Variants in AGPAT3 observed in about 807,000 individuals in gnomAD.
AGPAT3 encodes the protein 1-acyl-sn-glycerol-3-phosphate acyltransferase gamma.
In AGPAT3, 5 loss-of-function variants were observed where a neutral mutation model predicts 47.3. That is an observed-to-expected ratio of 0.11 (90% confidence interval 0.06 to 0.22). The LOEUF (loss-of-function observed/expected upper bound fraction) is 0.22. AGPAT3 is among the 10% of genes least tolerant of loss of function. The pLI, the probability that AGPAT3 is intolerant of heterozygous loss-of-function variation, is 1.00. For missense variants in AGPAT3, 315 were observed against 493.0 expected (o/e 0.64, Z 3.42); for synonymous variants, 212 against 208.3 (o/e 1.02, Z -0.15).
At chr21:43,938,285 A>C (rs1487987301) in intron 2 of AGPAT3, among the ~76,000 whole-genome samples, 2 of 144,892 alleles carry the variant, frequency 1.4e-5, no homozygotes, top group African/African-American at 5.0e-5. Context: ...CGTACTGAGG[A>C]TTAGAAGTCA....
At position 43,981,448 on chromosome 21, in the gene AGPAT3, A is replaced by C. The variant is rs2089848165; in HGVS notation, c.1042+261A>C. ...GCAGCCCCACTGGCTGGCGCCCTTG[A>C]GGATGCCGACGAGAGGGTCCCCGAG... is the stretch of plus-strand genomic sequence containing the variant. On this transcript the variant is annotated intron_variant, in intron 9 of 9. Transcript: ENST00000291572. The surrounding 1 kb of genome is among the most constrained non-coding windows in gnomAD (Gnocchi z 5.3). 3 of 549,814 alleles carry C rather than the reference A, an allele frequency of 5.5e-6. 1 individual carries two copies. Among genetic ancestry groups the C allele is most frequent in the Non-Finnish European group, 9.8e-6 (3 of 306,284 alleles). The allele number at this position is 549,814 out of a possible 1,614,324, so 34.1% of individuals were successfully genotyped here.
intron 7 of AGPAT3, among the ~76,000 whole-genome samples, chr21:43,972,764 A>G (rs1243684575): frequency 6.6e-6 from 1 of 152,198 alleles, no homozygotes; most frequent in Non-Finnish European, 1.5e-5. Flanking sequence ...TTCCAGCACA[A>G]ATCATCATTT....
chr21:43,959,902 T>A, intron 3 of AGPAT3, 43 bp downstream of exon 3: 1 of 1,557,310 alleles, frequency 6.4e-7, no homozygotes, highest in Non-Finnish European at 8.7e-7. Flanking sequence ...GGGGCTCCCG[T>A]GGGGGTGGCG....
Position 43,971,431 on chromosome 21 carries a change from G to A in AGPAT3, c.708G>A (p.Lys236=). 1 of 1,614,244 alleles carries A rather than the reference G, an allele frequency of 6.2e-7. No individual in the cohort carries two copies. The highest frequency in any genetic ancestry group is 2.2e-5 in the East Asian group (1 of 44,886). ...YDVTLNFRGN[K]NPSLLGILYG... Reference sequence around the variant, plus strand: ...TAACCCTGAACTTCAGAGGAAACAAGAACCCGTCCCTGCTGGGGATCCTCT... The same window carrying A: ...TAACCCTGAACTTCAGAGGAAACAAAAACCCGTCCCTGCTGGGGATCCTCT... Residue 236 remains lysine, a synonymous_variant, in exon 7 of 10, where the codon AAG becomes AAA. Coordinates refer to ENST00000291572, the MANE Select transcript of AGPAT3 (RefSeq NM_020132.5).
In AGPAT3 at chr21:43,959,636, C is replaced by T. The variant is rs764953538; in HGVS notation, c.-46C>T. The T allele has an allele frequency of 3.1e-6, 5 of 1,605,462 alleles. No individual in the cohort carries two copies. The highest frequency in any genetic ancestry group is 4.2e-6 in the Non-Finnish European group (5 of 1,179,726). Reference sequence around the variant, plus strand: ...TGTCCCTGTCCCTGTCTTTGCAGGACGGCTGTCCTCAGCGAGGGGCCGTGC... The same window carrying T: ...TGTCCCTGTCCCTGTCTTTGCAGGATGGCTGTCCTCAGCGAGGGGCCGTGC... On this transcript the variant is annotated splice_region_variant and 5_prime_UTR_variant, in exon 3 of 10. The change creates a new upstream start codon in the 5' untranslated region. Transcript: ENST00000291572.
chr21:43,979,683 A>G (rs2089770274), intron 8 of AGPAT3, among the ~76,000 whole-genome samples: 1 of 152,206 alleles, frequency 6.6e-6, no homozygotes, highest in African/African-American at 2.4e-5. Context: ...TCATAATTAC[A>G]GGCCTGTCCT....
rs1007098095 is a variant in AGPAT3 at position 43,955,469 on chromosome 21, C to A, written c.-48-4165C>A. 2.0e-5 allele frequency among the ~76,000 whole-genome samples: 3 copies of A among 152,034 alleles called. No homozygotes were observed. Among genetic ancestry groups the A allele is most frequent in the Non-Finnish European group, 4.4e-5 (3 of 67,988 alleles). ...TTGAGATGGAGTTTCACTCTTGTCACCCAGGCTGGAGTGCAGTGGTGCGAT... is the reference window on the plus strand; with the variant it reads ...TTGAGATGGAGTTTCACTCTTGTCAACCAGGCTGGAGTGCAGTGGTGCGAT... On this transcript the variant is annotated intron_variant, in intron 2 of 9. Transcript: ENST00000291572. The surrounding 1 kb of genome is among the most constrained non-coding windows in gnomAD (Gnocchi z 4.1).
At chr21:43,865,856 C>T (rs1458602735) in intron 1 of AGPAT3, among the ~76,000 whole-genome samples, 2 of 152,046 alleles carry the variant, frequency 1.3e-5, no homozygotes, top group African/African-American at 4.8e-5. Context: ...GGGCCTCCTC[C>T]TCGCGCGCCC....
chr21:43,902,577 T>C (rs1049010005), intron 1 of AGPAT3, among the ~76,000 whole-genome samples: 5 of 152,150 alleles, frequency 3.3e-5, no homozygotes. Flanking sequence ...GGCAGAGAGA[T>C]AGGAAGCAGC....
intron 2 of AGPAT3, among the ~76,000 whole-genome samples, chr21:43,935,051 A>C (rs916087640): frequency 6.6e-6 from 1 of 152,024 alleles, no homozygotes; most frequent in Admixed American, 6.6e-5. Flanking sequence ...CACCCACACC[A>C]CTCACATGCC....
chr21:43,877,785 C>A (rs939371686), intron 1 of AGPAT3, among the ~76,000 whole-genome samples: 11 of 152,272 alleles, frequency 7.2e-5, no homozygotes, highest in Admixed American at 5.9e-4. Flanking sequence ...GATATCTTCC[C>A]AGCAGGCCCA....
In AGPAT3 at chr21:43,985,581, C is replaced by T. The variant is rs1470157104; in HGVS notation, c.*3189C>T. On this transcript the variant is annotated 3_prime_UTR_variant, in exon 10 of 10. Coordinates refer to ENST00000291572, the MANE Select transcript of AGPAT3 (RefSeq NM_020132.5). ...TGGACCCAGCTGTGTGTTTCACTCA[C>T]GTGCAATTGAGTAGCTGTTGCCAGG... 2.3e-5 allele frequency: 6 copies of T among 256,194 alleles called. No individual in the cohort carries two copies. Among genetic ancestry groups the T allele is most frequent in the East Asian group, 2.2e-4 (2 of 8,944 alleles). 15.9% of individuals were successfully genotyped at this position (256,194 alleles called of 1,614,324 possible). A position where few individuals can be genotyped will look rare whatever the true frequency, so the allele number is the denominator to read the frequency against.
At chr21:43,946,444 A>G (rs1415326597) in intron 2 of AGPAT3, among the ~76,000 whole-genome samples, 1 of 152,170 alleles carries the variant, frequency 6.6e-6, no homozygotes, top group Non-Finnish European at 1.5e-5. Flanking sequence ...TACTAAAAAT[A>G]CAAAAATCAG....
At chr21:43,892,152 C>T (rs553227098) in intron 1 of AGPAT3, among the ~76,000 whole-genome samples, 119 of 152,058 alleles carry the variant, frequency 7.8e-4, no homozygotes, top group South Asian at 1.9e-3. Flanking sequence ...ACTAAAAATA[C>T]AAAAATTACC....
intron 2 of AGPAT3, among the ~76,000 whole-genome samples, chr21:43,906,028 A>T (rs1249390520): frequency 6.6e-6 from 1 of 152,232 alleles, no homozygotes; most frequent in Non-Finnish European, 1.5e-5. Context: ...CATTTTGAGA[A>T]GATGAAGATG....
chr21:43,927,407 GC>G (rs2087093062), intron 2 of AGPAT3, among the ~76,000 whole-genome samples: 2 of 152,158 alleles, frequency 1.3e-5, no homozygotes, highest in Non-Finnish European at 2.9e-5. Flanking sequence ...TCTCCCCCAG[GC>G]TGTGAGGCTA....
intron 7 of AGPAT3, among the ~76,000 whole-genome samples, chr21:43,974,041 C>T (rs1185827887): frequency 6.6e-6 from 1 of 152,040 alleles, no homozygotes; most frequent in East Asian, 1.9e-4. Context: ...TACGATAAAA[C>T]CTGTATGTGG....
chr21:43,883,353 G>A (rs990515767), intron 1 of AGPAT3, among the ~76,000 whole-genome samples: 1 of 152,208 alleles, frequency 6.6e-6, no homozygotes, highest in East Asian at 1.9e-4. Flanking sequence ...CTGAGCCTCC[G>A]ACACCGGTTC....
At chr21:43,913,281 C>G (rs968977356) in intron 2 of AGPAT3, among the ~76,000 whole-genome samples, 5 of 152,102 alleles carry the variant, frequency 3.3e-5, no homozygotes, top group African/African-American at 1.2e-4. Context: ...GTTCTCAAAC[C>G]TATGGGCAGT....
Sources: gnomAD v4.1 joint callset for allele counts (sites outside exome capture counted in the v4.1 genomes callset) on GRCh38, gnomAD v4.1.1 for gene constraint, Gnocchi (gnomAD v3.1) non-coding constraint, MANE v1.5 for transcripts, NCBI Gene and HGNC (gene_info 2026-07-23, HGNC 2026-07-21) for gene names.